TLK2: variants seen among roughly 807,000 people sequenced by gnomAD.
TLK2 encodes the protein tousled like kinase 2.
In TLK2, 6 loss-of-function variants were observed where a neutral mutation model predicts 117.3. The ratio of observed to expected loss-of-function variants is 0.05; its 90% confidence interval spans 0.03 to 0.10. TLK2 has a LOEUF of 0.10. Ranked by LOEUF, TLK2 falls within the 10% of genes least tolerant of loss-of-function variation. The pLI is 1.00. For missense variants in TLK2, 299 were observed against 901.2 expected, an observed-to-expected ratio of 0.33 and a Z score of 8.56; for synonymous variants, 257 against 316.7, an observed-to-expected ratio of 0.81 and a Z score of 2.00.
chr17:62,490,624 C>A (rs2073013346), intron 2 of TLK2, among the ~76,000 whole-genome samples: 1 of 152,200 alleles, frequency 6.6e-6, no homozygotes, highest in Non-Finnish European at 1.5e-5. Context: ...TCACTGCAAC[C>A]TCCACCTCCC....
At chr17:62,573,612 C>T (rs928438385) in intron 12 of TLK2, among the ~76,000 whole-genome samples, 5 of 152,192 alleles carry the variant, frequency 3.3e-5, no homozygotes, top group Non-Finnish European at 7.3e-5. Flanking sequence ...GACATCATGA[C>T]TTTTGGCCAC....
At position 62,482,105 on chromosome 17, in the gene TLK2, C is replaced by T. The variant is rs576981764; in HGVS notation, c.81+899C>T. On this transcript the variant is annotated intron_variant, in intron 2 of 21. Coordinates refer to ENST00000346027, the MANE Select transcript of TLK2 (RefSeq NM_006852.6). ...CTGGGATTACAGGTGCCCGCCACCACGCCCAGCTGATTTTTGTATTTTTAG... is the reference window on the plus strand; with the variant it reads ...CTGGGATTACAGGTGCCCGCCACCATGCCCAGCTGATTTTTGTATTTTTAG... Among the ~76,000 whole-genome samples, 288 of 151,904 alleles carry T rather than the reference C, an allele frequency of 1.9e-3. 1 individual carries two copies. The highest frequency in any genetic ancestry group is 6.8e-3 in the Middle Eastern group (2 of 294).
At chr17:62,555,049 T>A (rs1407145308) in intron 9 of TLK2, among the ~76,000 whole-genome samples, 1 of 151,998 alleles carries the variant, frequency 6.6e-6, no homozygotes, top group Non-Finnish European at 1.5e-5. Flanking sequence ...AATGAATATA[T>A]ACATAAATGT....
intron 7 of TLK2, among the ~76,000 whole-genome samples, chr17:62,537,400 C>T (rs780660711): frequency 1.1e-4 from 17 of 152,196 alleles, no homozygotes; most frequent in Non-Finnish European, 1.6e-4. Context: ...AACATGGTTT[C>T]GTGATAGTGT....
intron 7 of TLK2, among the ~76,000 whole-genome samples, chr17:62,545,151 C>T (rs988078000): frequency 9.2e-5 from 14 of 151,976 alleles, no homozygotes; most frequent in African/African-American, 2.7e-4. Context: ...CTCAGCCTCC[C>T]GAGTAGCTGG....
At chr17:62,554,707 C>T (rs1295260396) in intron 9 of TLK2, among the ~76,000 whole-genome samples, 1 of 151,916 alleles carries the variant, frequency 6.6e-6, no homozygotes, top group Non-Finnish European at 1.5e-5. Context: ...ACAGCAAGAC[C>T]CCATTTCTAT....
At chr17:62,580,079 C>T (rs1262731820) in intron 14 of TLK2, 32 bp from the exon 15 acceptor site, 4 of 1,586,956 alleles carry the variant, frequency 2.5e-6, no homozygotes, top group South Asian at 2.2e-5. Flanking sequence ...AGTCCATGAT[C>T]TCAGGGTGTT....
At chr17:62,572,924 T>C (rs1177452765) in intron 11 of TLK2, 1 of 239,630 alleles carries the variant, frequency 4.2e-6, no homozygotes, top group African/African-American at 2.3e-5. Context: ...AATCAGAAAA[T>C]TGTTCCTTCT....
intron 16 of TLK2, among the ~76,000 whole-genome samples, chr17:62,594,390 A>G (rs922013826): frequency 1.3e-5 from 2 of 151,982 alleles, no homozygotes; most frequent in African/African-American, 2.4e-5. Context: ...CCTTGGCAAC[A>G]GAGCGAGACT....
chr17:62,536,165 T>C lies in TLK2; in HGVS notation c.364-5T>C. The C allele has an allele frequency of 5.0e-6, 8 of 1,610,290 alleles. No homozygotes were observed. Among genetic ancestry groups the C allele is most frequent in the Non-Finnish European group, 6.8e-6 (8 of 1,178,778 alleles). On this transcript the variant is annotated splice_polypyrimidine_tract_variant and splice_region_variant and intron_variant, in intron 6 of 21. Coordinates refer to ENST00000346027, the MANE Select transcript of TLK2 (RefSeq NM_006852.6). ...TCATTTGTGTGTTTCTTTACTGTTT[T>C]CCAGCGACGAGTAGAACAGCCCCTC...
chr17:62,584,107 G>GTTTTTTTTTTTTTTTTTTTTTTT (rs572000997), intron 15 of TLK2, among the ~76,000 whole-genome samples: 2 of 78,524 alleles, frequency 2.5e-5, no homozygotes, highest in Non-Finnish European at 4.5e-5. Context: ...TTCTTTTGTG[G>GTTTTTTTTTTTTTTTTTTTTTTT]TTTTTTTTTT....
chr17:62,471,301 T>C (rs919667761), intron 1 of TLK2, among the ~76,000 whole-genome samples: 6 of 152,122 alleles, frequency 3.9e-5, no homozygotes, highest in African/African-American at 9.7e-5. Flanking sequence ...GCACAGGTAA[T>C]AGGGCATTTG....
In TLK2 at chr17:62,601,949, A is replaced by G. The variant is rs1255493502; in HGVS notation, c.1721-93A>G. ...GGATGTTTGCTTTTGCAAGAGTTTG[A>G]GTTCAGTTGTCCCCTTCTTATCTGC... is the stretch of plus-strand genomic sequence containing the variant. On this transcript the variant is annotated intron_variant, in intron 18 of 21. Transcript: ENST00000346027. 1.2e-5 allele frequency: 13 copies of G among 1,130,002 alleles called. No homozygotes were observed. In the Admixed American group the frequency reaches 3.3e-4, roughly 29 times the overall value. The allele number at this position is 1,130,002 out of a possible 1,614,324, so 70.0% of individuals were successfully genotyped here.
At chr17:62,527,782 G>C (rs1327464656) in intron 6 of TLK2, among the ~76,000 whole-genome samples, 1 of 149,764 alleles carries the variant, frequency 6.7e-6, no homozygotes, top group Non-Finnish European at 1.5e-5. Flanking sequence ...CGCTTTTGTT[G>C]CCCAGGCTGG....
At chr17:62,496,956 CAA>C (rs1156828880) in intron 2 of TLK2, among the ~76,000 whole-genome samples, 15 of 43,378 alleles carry the variant, frequency 3.5e-4, no homozygotes, top group South Asian at 7.3e-4. Flanking sequence ...GACTCCATCT[CAA>C]AAAAAAAAAA....
At chr17:62,610,792 G>A (rs1359505933) in intron 21 of TLK2, among the ~76,000 whole-genome samples, 1 of 152,176 alleles carries the variant, frequency 6.6e-6, no homozygotes, top group Admixed American at 6.5e-5. Context: ...GGGCAACTAT[G>A]TGAGTTGATT....
intron 10 of TLK2, among the ~76,000 whole-genome samples, chr17:62,564,494 C>T (rs2079569169): frequency 7.3e-6 from 1 of 136,376 alleles, no homozygotes; most frequent in African/African-American, 2.8e-5. Context: ...CGAGATCCCA[C>T]CACTGCACTC....
At chr17:62,574,618 C>T (rs147264240) in intron 12 of TLK2, among the ~76,000 whole-genome samples, 169 of 152,014 alleles carry the variant, frequency 1.1e-3, no homozygotes, top group African/African-American at 3.9e-3. Flanking sequence ...TGGGTTCAAG[C>T]GTTTCTCCTG....
At chr17:62,493,156 A>G (rs1036462560) in intron 2 of TLK2, among the ~76,000 whole-genome samples, 1 of 152,194 alleles carries the variant, frequency 6.6e-6, no homozygotes, top group South Asian at 2.1e-4. Flanking sequence ...CCTGGCAACT[A>G]TCATTCTGTT....
Sources: allele counts gnomAD v4.1 joint callset (sites outside exome capture counted in the v4.1 genomes callset), GRCh38; gene constraint gnomAD v4.1.1; transcripts MANE v1.5; gene names NCBI Gene and HGNC (gene_info 2026-07-23, HGNC 2026-07-21).